The following SIPA1L1 variants were observed in gnomAD, a reference collection of about 807,000 sequenced individuals.
SIPA1L1 encodes signal induced proliferation associated 1 like 1, also known as signal-induced proliferation-associated 1-like protein 1.
In SIPA1L1, 26 loss-of-function variants were observed where a neutral mutation model predicts 162.7. That is an observed-to-expected ratio of 0.16 (90% CI 0.12 to 0.22). The LOEUF is 0.22. Ranked by LOEUF, SIPA1L1 falls within the 10% of genes least tolerant of loss-of-function variation. SIPA1L1 has a pLI of 1.00. For missense variants in SIPA1L1, 1,874 were observed against 2,241.0 expected (o/e 0.84, Z 3.31); for synonymous variants, 829 against 837.4 (o/e 0.99, Z 0.17).
chr14:71,483,947 GT>G (rs770164762), intron 2 of SIPA1L1, among the ~76,000 whole-genome samples: 18 of 152,122 alleles, frequency 1.2e-4, no homozygotes, highest in Non-Finnish European at 2.1e-4. Flanking sequence ...TCTGCACTCC[GT>G]AGCACCCTGT....
At chr14:71,345,872 G>C (rs1474156501) in intron 2 of SIPA1L1, among the ~76,000 whole-genome samples, 2 of 151,236 alleles carry the variant, frequency 1.3e-5, no homozygotes, top group Non-Finnish European at 1.5e-5. Context: ...CTGGCACCCA[G>C]AGCTTACTCT....
intron 2 of SIPA1L1, among the ~76,000 whole-genome samples, chr14:71,416,720 TACACACACACAC>T (rs3085177): frequency 1.8e-4 from 27 of 147,840 alleles, no homozygotes; most frequent in Admixed American, 8.1e-4. Context: ...AAGAAAAATC[TACACACACACAC>T]ACACACACAC....
In SIPA1L1 at chr14:71,398,008, A is replaced by ATTT. The variant is rs1157130958; in HGVS notation, c.-465+76827_-465+76828insTTT. On this transcript the variant is annotated intron_variant, in intron 2 of 23. Transcript: ENST00000381232. ...CTGGAATTAAATAACCAAAAAAAAA[A>ATTT]ATTTTTTTTTTTTTTTTTTTTTTTT... Among the ~76,000 whole-genome samples, 404 of 88,702 alleles carry ATTT rather than the reference A, an allele frequency of 4.6e-3. 1 individual carries two copies. Among genetic ancestry groups the ATTT allele is most frequent in the African/African-American group, 5.4e-3 (116 of 21,522 alleles). The allele number at this position is 88,702 out of a possible 152,430, so 58.2% of individuals were successfully genotyped here.
intron 2 of SIPA1L1, among the ~76,000 whole-genome samples, chr14:71,502,279 T>TATATATATATATATATATATG (rs1567115008): frequency 6.9e-6 from 1 of 144,886 alleles, no homozygotes; most frequent in African/African-American, 2.6e-5. Context: ...TATATATATA[T>TATATATATATATATATATATG]TTGAGACAGA....
At chr14:71,722,331 C>T (rs116937300) in intron 17 of SIPA1L1, among the ~76,000 whole-genome samples, 207 of 152,302 alleles carry the variant, frequency 1.4e-3, no homozygotes, top group Non-Finnish European at 2.4e-3. Context: ...AGTTATCTTC[C>T]TCCCCAAGTC....
intron 2 of SIPA1L1, among the ~76,000 whole-genome samples, chr14:71,440,172 T>G (rs1422870504): frequency 6.6e-6 from 1 of 152,012 alleles, no homozygotes; most frequent in East Asian, 1.9e-4. Context: ...ACTACAGGCG[T>G]GCATCACCAT....
At position 71,623,290 on chromosome 14, in the gene SIPA1L1, T is replaced by C. The variant is rs187623377; in HGVS notation, c.1630-758T>C. ...TTCAGTTTGATGGGTTTTCTCTTCT[T>C]TCCCCATGCAGCAGTTAAATTAGGT... On this transcript the variant is annotated intron_variant, in intron 6 of 23. Transcript: ENST00000381232. Among the ~76,000 whole-genome samples the C allele has an allele frequency of 7.7e-4, 118 of 152,342 alleles. 2 individuals carry two copies. The East Asian group carries it at 0.018, about 24-fold the overall frequency.
intron 2 of SIPA1L1, among the ~76,000 whole-genome samples, chr14:71,505,960 T>TC (rs34146532): frequency 0.15 from 20,284 of 137,316 alleles, 1,971 homozygotes; most frequent in Middle Eastern, 0.27. Context: ...ATGCAAATAT[T>TC]CCCCCCCCCC....
At chr14:71,656,133 T>C (rs2149167986) in intron 8 of SIPA1L1, among the ~76,000 whole-genome samples, 1 of 152,314 alleles carries the variant, frequency 6.6e-6, no homozygotes, top group Middle Eastern at 3.4e-3. Context: ...CAAAACTCTA[T>C]GAATCTAAAA....
At chr14:71,634,048 A>T (rs1424435965) in intron 7 of SIPA1L1, among the ~76,000 whole-genome samples, 1 of 151,270 alleles carries the variant, frequency 6.6e-6, no homozygotes, top group African/African-American at 2.4e-5. Flanking sequence ...ATTTTTGAAC[A>T]CTAAATACAA....
chr14:71,475,919 A>C (rs776624470), intron 2 of SIPA1L1, among the ~76,000 whole-genome samples: 16 of 152,350 alleles, frequency 1.1e-4, no homozygotes, highest in Admixed American at 2.6e-4. Flanking sequence ...AGCATTTTGA[A>C]CCAAGGCTGG....
At chr14:71,573,514 A>G in intron 4 of SIPA1L1, 1 of 454,996 alleles carries the variant, frequency 2.2e-6, no homozygotes, top group Non-Finnish European at 4.4e-6. Flanking sequence ...TGGGACCTCA[A>G]GAGAAAGAGT....
chr14:71,622,566 C>T (rs1322205223), intron 6 of SIPA1L1, among the ~76,000 whole-genome samples: 1 of 152,118 alleles, frequency 6.6e-6, no homozygotes, highest in Non-Finnish European at 1.5e-5. Context: ...ATGAAGAAAA[C>T]AGTCAAATAA....
intron 2 of SIPA1L1, among the ~76,000 whole-genome samples, chr14:71,359,371 A>G (rs954679144): frequency 2.6e-5 from 4 of 152,150 alleles, no homozygotes; most frequent in African/African-American, 9.7e-5. Context: ...TAAATTACCC[A>G]GTCTCGGGTA....
At chr14:71,368,267 G>A (rs1489320145) in intron 2 of SIPA1L1, among the ~76,000 whole-genome samples, 6 of 139,380 alleles carry the variant, frequency 4.3e-5, no homozygotes, top group South Asian at 2.3e-4. Flanking sequence ...CCACTAACTC[G>A]TCATCTAGCC....
intron 2 of SIPA1L1, among the ~76,000 whole-genome samples, chr14:71,501,621 C>G (rs2050222070): frequency 6.6e-6 from 1 of 152,298 alleles, no homozygotes; most frequent in East Asian, 1.9e-4. Context: ...GTAATGTTCT[C>G]TTTCCTGATC....
At chr14:71,372,480 A>G (rs1181643180) in intron 2 of SIPA1L1, among the ~76,000 whole-genome samples, 3 of 152,132 alleles carry the variant, frequency 2.0e-5, no homozygotes, top group East Asian at 3.9e-4. Flanking sequence ...ACAATTCGCT[A>G]TTTCTGTCTG....
rs539293669 is a variant in SIPA1L1, at chr14:71,700,994, C to CAAA, written c.3522-1349_3522-1347dup. ...TAGGGGACAGAGCAAGACTCCGTCT[C>CAAA]AAAAAAAAAAAAAAAAAAAAAAAAA... is the stretch of plus-strand genomic sequence containing the variant. On this transcript the variant is annotated intron_variant, in intron 14 of 23. Coordinates refer to ENST00000381232, the MANE Select transcript of SIPA1L1 (RefSeq NM_001386936.1). Among the ~76,000 whole-genome samples, 34 of 51,750 alleles carry CAAA rather than the reference C, an allele frequency of 6.6e-4. 3 individuals are homozygous for CAAA. The highest frequency in any genetic ancestry group is 1.0e-3 in the South Asian group (1 of 992). The allele number at this position is 51,750 out of a possible 152,430, so 34.0% of individuals were successfully genotyped here.
chr14:71,682,310 C>G (rs927072988), intron 12 of SIPA1L1, among the ~76,000 whole-genome samples: 7 of 152,134 alleles, frequency 4.6e-5, no homozygotes, highest in Admixed American at 4.6e-4. Flanking sequence ...AATAAAAATC[C>G]TTTTATGAAA....
Sources: allele counts gnomAD v4.1 joint callset (sites outside exome capture counted in the v4.1 genomes callset), GRCh38; gene constraint gnomAD v4.1.1; transcripts MANE v1.5; gene names NCBI Gene and HGNC (gene_info 2026-07-23, HGNC 2026-07-21).